Variants in LTBP1 observed in about 807,000 individuals in gnomAD.
LTBP1 encodes the protein latent-transforming growth factor beta-binding protein 1.
Under a neutral mutation model 207.6 loss-of-function variants are expected in LTBP1, and 129 were observed. That is an observed-to-expected ratio of 0.62 (90% CI 0.54 to 0.72). The LOEUF is 0.72. Ranked by LOEUF, LTBP1 falls within the 30% of genes least tolerant of loss-of-function variation. The probability of loss-of-function intolerance (pLI) is 0.00; values close to 1 mark genes in which losing one functional copy is unlikely to be tolerated. For missense variants in LTBP1, 2,281 were observed against 2,217.2 expected (o/e 1.03, Z -0.58); for synonymous variants, 963 against 833.7 (o/e 1.16, Z -2.67).
chr2:33,159,095 G>A (rs1401465188), intron 5 of LTBP1, among the ~76,000 whole-genome samples: 1 of 152,158 alleles, frequency 6.6e-6, no homozygotes, highest in East Asian at 1.9e-4. Flanking sequence ...TCTCAGCCCT[G>A]TATGTGCTTC....
chr2:33,352,481 C>CT (rs1337485567), intron 26 of LTBP1, among the ~76,000 whole-genome samples: 2 of 152,068 alleles, frequency 1.3e-5, no homozygotes, highest in Admixed American at 1.3e-4. Flanking sequence ...TGAAGTCATA[C>CT]TTTTTTTTGT....
chr2:33,280,921 T>A (rs574687916), intron 19 of LTBP1, among the ~76,000 whole-genome samples: 120 of 152,034 alleles, frequency 7.9e-4, no homozygotes, highest in Non-Finnish European at 1.3e-3. Context: ...ATTAAAAAAC[T>A]TACCTGGGCT....
chr2:33,233,393 T>C (rs2091892715), intron 9 of LTBP1, among the ~76,000 whole-genome samples: 2 of 152,162 alleles, frequency 1.3e-5, no homozygotes, highest in South Asian at 4.1e-4. Context: ...CTACCTGTTC[T>C]TGTTTTATAT....
chr2:33,115,312 C>T (rs551770296), intron 4 of LTBP1, among the ~76,000 whole-genome samples: 5 of 151,944 alleles, frequency 3.3e-5, no homozygotes, highest in East Asian at 3.9e-4. Flanking sequence ...TCCACAGACA[C>T]GGAAAGAAGA....
intron 4 of LTBP1, among the ~76,000 whole-genome samples, chr2:33,129,923 C>T (rs2081669394): frequency 6.6e-6 from 1 of 152,118 alleles, no homozygotes; most frequent in Non-Finnish European, 1.5e-5. Flanking sequence ...GAGTTTCCTT[C>T]TTGGAGGGTT....
chr2:33,110,780 C>G (rs218226), intron 4 of LTBP1, 29 bp downstream of exon 4: 2 of 1,599,928 alleles, frequency 1.3e-6, no homozygotes, highest in East Asian at 2.2e-5. Flanking sequence ...ACCATTTTCC[C>G]AAGTTATGGT....
intron 5 of LTBP1, among the ~76,000 whole-genome samples, chr2:33,152,033 G>A (rs917632254): frequency 9.9e-5 from 15 of 151,916 alleles, no homozygotes; most frequent in Non-Finnish European, 5.9e-5. Flanking sequence ...CTAAGAACCC[G>A]AAAGCAAATG....
chr2:33,309,492 T>C lies in LTBP1; in HGVS notation c.3540T>C (p.Thr1180=), dbSNP rs1309542518. 4 of 1,611,196 alleles carry C rather than the reference T, an allele frequency of 2.5e-6. No homozygotes were observed. Among genetic ancestry groups the C allele is most frequent in the Admixed American group, 1.7e-5 (1 of 59,624 alleles). Residue 1180 remains threonine, a synonymous_variant, in exon 23 of 34, where the codon ACT becomes ACC. Coordinates refer to ENST00000404816, the MANE Select transcript of LTBP1 (RefSeq NM_206943.4). ...GCCAGAGAGGAGACTGCATTAATACTGCAGGGTCCTATGATTGTACTTGTC... is the reference window on the plus strand; with the variant it reads ...GCCAGAGAGGAGACTGCATTAATACCGCAGGGTCCTATGATTGTACTTGTC... ...SVCQRGDCIN[T]AGSYDCTCPD...
In LTBP1 at chr2:33,315,647, G is replaced by T. The variant is rs563816689; in HGVS notation, c.3730+378G>T. On this transcript the variant is annotated intron_variant, in intron 24 of 33. Coordinates refer to ENST00000404816, the MANE Select transcript of LTBP1 (RefSeq NM_206943.4). ...GTAGATCGTCTTGATCATTCTGTGTGTAAAAAATGTCTTGCGGCTGGGTGC... is the reference window on the plus strand; with the variant it reads ...GTAGATCGTCTTGATCATTCTGTGTTTAAAAAATGTCTTGCGGCTGGGTGC... Among the ~76,000 whole-genome samples the T allele has an allele frequency of 5.3e-4, 80 of 152,196 alleles. 1 individual carries two copies. In the South Asian group the frequency reaches 0.012, roughly 23 times the overall value.
chr2:32,972,430 A>G (rs1681048338), intron 2 of LTBP1, among the ~76,000 whole-genome samples: 1 of 152,024 alleles, frequency 6.6e-6, no homozygotes, highest in Non-Finnish European at 1.5e-5. Flanking sequence ...GTGGGCAGTT[A>G]GTGCTATAAA....
chr2:33,040,598 C>G (rs1345575235), intron 3 of LTBP1, among the ~76,000 whole-genome samples: 1 of 152,204 alleles, frequency 6.6e-6, no homozygotes, highest in Non-Finnish European at 1.5e-5. Flanking sequence ...CAATCCACGC[C>G]TCACTGTCTC....
chr2:33,356,607 T>C (rs1169927097), intron 26 of LTBP1, among the ~76,000 whole-genome samples: 1 of 151,974 alleles, frequency 6.6e-6, no homozygotes, highest in Non-Finnish European at 1.5e-5. Flanking sequence ...TGAACCCGGA[T>C]CCACTGCACT....
At chr2:33,224,053 T>C (rs1466328569) in intron 9 of LTBP1, among the ~76,000 whole-genome samples, 1 of 152,220 alleles carries the variant, frequency 6.6e-6, no homozygotes, top group Non-Finnish European at 1.5e-5. Flanking sequence ...CCCAGGGGAC[T>C]GATGGTAATG....
intron 7 of LTBP1, 75 bp downstream of exon 7, chr2:33,188,926 G>A: frequency 6.8e-7 from 1 of 1,480,728 alleles, no homozygotes; most frequent in Non-Finnish European, 9.1e-7. Context: ...AGCCAGACTT[G>A]ATAAAAATGC....
chr2:33,325,900 A>T (rs1019326955), intron 24 of LTBP1, among the ~76,000 whole-genome samples: 11 of 152,064 alleles, frequency 7.2e-5, no homozygotes, highest in Admixed American at 5.9e-4. Flanking sequence ...TTTTAGAAGT[A>T]TTTCTTTTCT....
At position 33,041,647 on chromosome 2, in the gene LTBP1, A is replaced by C. The variant is rs868244666; in HGVS notation, c.863+20441A>C. ...ATGGAGCACATGATAAATAGCATTCATTCCTTTATTTATTCTGCAAACTCT... is the reference window on the plus strand; with the variant it reads ...ATGGAGCACATGATAAATAGCATTCCTTCCTTTATTTATTCTGCAAACTCT... On this transcript the variant is annotated intron_variant, in intron 3 of 33. Transcript: ENST00000404816. Among the ~76,000 whole-genome samples, 4 of 152,326 alleles carry C rather than the reference A, an allele frequency of 2.6e-5. No individual in the cohort carries two copies. In the South Asian group the frequency reaches 8.3e-4, roughly 32 times the overall value.
At chr2:33,121,553 AG>A (rs1488067965) in intron 4 of LTBP1, among the ~76,000 whole-genome samples, 1 of 152,114 alleles carries the variant, frequency 6.6e-6, no homozygotes, top group Non-Finnish European at 1.5e-5. Context: ...TAATGGCTAC[AG>A]GTGCATCTCA....
chr2:32,971,679 G>C (rs114000722), intron 2 of LTBP1, among the ~76,000 whole-genome samples: 1 of 152,128 alleles, frequency 6.6e-6, no homozygotes, highest in African/African-American at 2.4e-5. Flanking sequence ...TTGATGTGCT[G>C]CTGGATTTAG....
chr2:33,191,999 G>A (rs538798974), intron 7 of LTBP1, among the ~76,000 whole-genome samples: 2 of 152,286 alleles, frequency 1.3e-5, no homozygotes, highest in African/African-American at 4.8e-5. Flanking sequence ...TTGTAGGGTA[G>A]AATTTCAGAA....
Sources: allele counts gnomAD v4.1 joint callset (sites outside exome capture counted in the v4.1 genomes callset), GRCh38; gene constraint gnomAD v4.1.1; transcripts MANE v1.5; gene names NCBI Gene and HGNC (gene_info 2026-07-23, HGNC 2026-07-21).